The following CX3CR1 variants were observed in gnomAD, a reference collection of about 807,000 sequenced individuals.
The protein encoded by CX3CR1 is C-X3-C motif chemokine receptor 1.
For synonymous variants in CX3CR1, 168 were observed against 178.5 expected (o/e 0.94, Z 0.47); for missense variants, 363 against 432.4 (o/e 0.84, Z 1.42).
intron 1 of CX3CR1, among the ~76,000 whole-genome samples, chr3:39,278,643 T>A (rs897897582): frequency 2.2e-5 from 3 of 137,630 alleles, no homozygotes; most frequent in Non-Finnish European, 4.6e-5. Flanking sequence ...AAAATTAATT[T>A]TTTTTTCTTT....
chr3:39,266,887 G>A (rs534336482), intron 1 of CX3CR1, among the ~76,000 whole-genome samples: 13 of 151,994 alleles, frequency 8.6e-5, no homozygotes, highest in Non-Finnish European at 1.0e-4. Context: ...GGGTTCAAGC[G>A]ATTCTCCTGC....
At chr3:39,272,047 A>G (rs887650768) in intron 1 of CX3CR1, among the ~76,000 whole-genome samples, 2 of 152,220 alleles carry the variant, frequency 1.3e-5, no homozygotes, top group Admixed American at 1.3e-4. Flanking sequence ...GAGGGACACT[A>G]GAAACCAAGT....
the CX3CR1 span, among the ~76,000 whole-genome samples, chr3:39,288,288 C>T: frequency 0.017 from 2,596 of 152,308 alleles, 68 homozygotes; most frequent in African/African-American, 0.059. Flanking sequence ...TGCTCACTCA[C>T]TTGCCAGGTA....
At position 39,269,596 on chromosome 3, in the gene CX3CR1, C is replaced by T. The variant is rs140133131; in HGVS notation, c.-9-3078G>A. Reference sequence around the variant, plus strand: ...CTGGGCAGGATGGTTTTGCCTGATACGTGGTGATATTATGTATTGAGAGCC... The same window carrying T: ...CTGGGCAGGATGGTTTTGCCTGATATGTGGTGATATTATGTATTGAGAGCC... On this transcript the variant is annotated intron_variant, in intron 1 of 1. Coordinates refer to ENST00000399220, the MANE Select transcript of CX3CR1 (RefSeq NM_001337.4). 5.8e-3 allele frequency among the ~76,000 whole-genome samples: 882 copies of T among 152,264 alleles called. 6 individuals are homozygous for T. Among genetic ancestry groups the T allele is most frequent in the Non-Finnish European group, 8.9e-3 (605 of 68,004 alleles).
At chr3:39,267,701 C>T (rs566052196) in intron 1 of CX3CR1, among the ~76,000 whole-genome samples, 43 of 152,298 alleles carry the variant, frequency 2.8e-4, no homozygotes, top group East Asian at 7.7e-4. Context: ...GATGGGGCTC[C>T]GTTAGTCTGC....
chr3:39,288,133 G>T, the CX3CR1 span, among the ~76,000 whole-genome samples: 1 of 152,142 alleles, frequency 6.6e-6, no homozygotes, highest in Non-Finnish European at 1.5e-5. Flanking sequence ...AGTCCTAAAA[G>T]GCTCATTGCA....
At chr3:39,280,368 C>G, upstream of CX3CR1, 1 of 985,456 alleles carries the variant, frequency 1.0e-6, no homozygotes, top group Non-Finnish European at 1.2e-6. Flanking sequence ...CCTCAGCTTC[C>G]CTGCCCACGA....
At chr3:39,268,835 C>T (rs564848365) in intron 1 of CX3CR1, among the ~76,000 whole-genome samples, 2 of 152,178 alleles carry the variant, frequency 1.3e-5, no homozygotes, top group Non-Finnish European at 2.9e-5. Flanking sequence ...AAGGGGAGCA[C>T]CTGGCACAGT....
chr3:39,281,415 G>A, upstream of CX3CR1: 4 of 729,234 alleles, frequency 5.5e-6, no homozygotes, highest in Non-Finnish European at 6.3e-6. Context: ...CCTCTTCTGA[G>A]GGCTCCTTTC....
the CX3CR1 span, among the ~76,000 whole-genome samples, chr3:39,290,643 C>A: frequency 1.3e-5 from 2 of 152,108 alleles, no homozygotes; most frequent in African/African-American, 4.8e-5. Context: ...CAGATAGGGC[C>A]GGGCGCAGTG....
At chr3:39,283,635 C>T (rs192343698), upstream of CX3CR1, among the ~76,000 whole-genome samples, 2,381 of 151,120 alleles carry the variant, frequency 0.016, 30 homozygotes, top group Admixed American at 0.023. Context: ...TAAAAATTAG[C>T]CAGGCGTGGT....
At chr3:39,290,772 T>C in the CX3CR1 span, among the ~76,000 whole-genome samples, 1 of 151,566 alleles carries the variant, frequency 6.6e-6, no homozygotes, top group South Asian at 2.1e-4. Context: ...ATACAAAAAA[T>C]TTGCCAGGCA....
chr3:39,272,115 AG>A (rs1559368480), intron 1 of CX3CR1, among the ~76,000 whole-genome samples: 1 of 152,202 alleles, frequency 6.6e-6, no homozygotes, highest in Non-Finnish European at 1.5e-5. Context: ...CATATCCACA[AG>A]GGTTGTAAGA....
chr3:39,266,731 C>T (rs1007527760), intron 1 of CX3CR1: 1 of 751,830 alleles, frequency 1.3e-6, no homozygotes, highest in Non-Finnish European at 2.4e-6. Context: ...GAGGCGGACT[C>T]CTTTGACTTG....
chr3:39,281,842 G>C (rs761713089), upstream of CX3CR1: 4 of 637,966 alleles, frequency 6.3e-6, no homozygotes, highest in Non-Finnish European at 1.1e-5. Context: ...TGTCCAGGAC[G>C]TGATTTTACC....
intron 1 of CX3CR1, among the ~76,000 whole-genome samples, chr3:39,277,896 C>T (rs1337976916): frequency 2.6e-5 from 4 of 152,186 alleles, no homozygotes; most frequent in Non-Finnish European, 5.9e-5. Context: ...CAACATATAT[C>T]GTTTCTTGAG....
upstream of CX3CR1, chr3:39,281,786 G>A (rs1199353001): frequency 1.0e-5 from 10 of 983,660 alleles, no homozygotes; most frequent in Non-Finnish European, 1.4e-5. Flanking sequence ...CAACATGCCT[G>A]TGCCCGTGGC....
At chr3:39,281,383 C>A, upstream of CX3CR1, 1 of 775,794 alleles carries the variant, frequency 1.3e-6, no homozygotes, top group Non-Finnish European at 1.9e-6. Flanking sequence ...GCCTCAGCCC[C>A]TTCCTTGCCT....
intron 1 of CX3CR1, among the ~76,000 whole-genome samples, chr3:39,275,906 A>C (rs1423337143): frequency 7.2e-6 from 1 of 138,176 alleles, no homozygotes; most frequent in Non-Finnish European, 1.5e-5. Flanking sequence ...GGGGAGGGTG[A>C]TCAAGAGGAT....
Sources: allele counts gnomAD v4.1 joint callset (sites outside exome capture counted in the v4.1 genomes callset), GRCh38; gene constraint gnomAD v4.1.1; transcripts MANE v1.5; gene names NCBI Gene and HGNC (gene_info 2026-07-23, HGNC 2026-07-21).